The following KCTD10 variants were observed in gnomAD, a reference collection of about 807,000 sequenced individuals.
KCTD10 encodes the protein BTB/POZ domain-containing adapter for CUL3-mediated RhoA degradation protein 3.
KCTD10 carries 13 observed loss-of-function variants against 34.6 expected under a neutral mutation model. The observed-to-expected ratio is 0.38, with a 90% CI of 0.24 to 0.60. The LOEUF (loss-of-function observed/expected upper bound fraction) is 0.60. KCTD10 is among the 20% of genes least tolerant of loss of function. The pLI, the probability that KCTD10 is intolerant of heterozygous loss-of-function variation, is 0.66. For missense variants in KCTD10, 256 were observed against 420.3 expected (o/e 0.61, Z 3.42); for synonymous variants, 156 against 168.8 (o/e 0.92, Z 0.59).
chr12:109,470,135 C>G (rs926724539), intron 1 of KCTD10: 5 of 1,015,344 alleles, frequency 4.9e-6, no homozygotes, highest in Admixed American at 1.0e-4. Flanking sequence ...AACACCCTGG[C>G]TGCACCCTAA....
chr12:109,462,666 C>A (rs1873393486), intron 2 of KCTD10, among the ~76,000 whole-genome samples: 1 of 152,234 alleles, frequency 6.6e-6, no homozygotes, highest in Non-Finnish European at 1.5e-5. Flanking sequence ...CCAAGAGAGG[C>A]AGGCTCTTCC....
Position 109,468,746 on chromosome 12 carries a change from G to A in KCTD10, c.217+769C>T, listed in dbSNP as rs79986796. ...CAGCTCACTGCAAGCTCCGCCTCCC[G>A]AGTTCACGTCATTCTCCTGCCTCAG... On this transcript the variant is annotated intron_variant, in intron 2 of 6. Transcript: ENST00000228495. 2.9e-3 allele frequency among the ~76,000 whole-genome samples: 433 copies of A among 146,814 alleles called. 19 individuals carry two copies. In the East Asian group the frequency reaches 0.055, roughly 19 times the overall value.
intron 2 of KCTD10, chr12:109,469,306 G>T: frequency 1.7e-6 from 1 of 594,000 alleles, no homozygotes; most frequent in Non-Finnish European, 2.9e-6. Flanking sequence ...ACAGAAGCAT[G>T]GCAGAGATAA....
At chr12:109,475,164 C>T (rs1019432612) in intron 1 of KCTD10, among the ~76,000 whole-genome samples, 1 of 152,126 alleles carries the variant, frequency 6.6e-6, no homozygotes, top group East Asian at 1.9e-4. Flanking sequence ...CTAGAATCAC[C>T]TGCGTGTGCT....
chr12:109,470,035 C>T (rs1353671446), intron 1 of KCTD10: 1 of 1,180,424 alleles, frequency 8.5e-7, no homozygotes, highest in Non-Finnish European at 1.1e-6. Flanking sequence ...GCCTCATACA[C>T]TGACCCTGCC....
Position 109,460,876 on chromosome 12 carries a change from G to A in KCTD10, c.218-71C>T, listed in dbSNP as rs751570168. 6.8e-7 allele frequency: 1 copy of A among 1,465,554 alleles called. No individual in the cohort carries two copies. The highest frequency in any genetic ancestry group is 1.4e-5 in the African/African-American group (1 of 71,798). 90.8% of individuals were successfully genotyped at this position (1,465,554 alleles called of 1,614,324 possible). ...GTGGGAGGCCCTGAGCAGAGCTGGG[G>A]TGTCTCTCGGCTCCCTCTACCTCCC... On this transcript the variant is annotated intron_variant, in intron 2 of 6. Transcript: ENST00000228495. The surrounding 1 kb of genome is among the most constrained non-coding windows in gnomAD (Gnocchi z 4.5).
intron 1 of KCTD10, chr12:109,470,161 T>G: frequency 1.0e-6 from 1 of 997,590 alleles, no homozygotes; most frequent in Middle Eastern, 5.2e-4. Context: ...CCTAAAGCAC[T>G]GCCCAGGTCT....
At chr12:109,474,808 G>A (rs867464824) in intron 1 of KCTD10, among the ~76,000 whole-genome samples, 5 of 152,180 alleles carry the variant, frequency 3.3e-5, no homozygotes, top group African/African-American at 7.2e-5. Flanking sequence ...GAAAATCATC[G>A]ACTGAAAAGG....
intron 2 of KCTD10, among the ~76,000 whole-genome samples, chr12:109,468,452 C>A (rs1873700090): frequency 6.6e-6 from 1 of 152,162 alleles, no homozygotes; most frequent in Non-Finnish European, 1.5e-5. Context: ...AAGGCGGGGT[C>A]AAGGTCAAGC....
chr12:109,463,163 ACCTT>A (rs1162816510), intron 2 of KCTD10, among the ~76,000 whole-genome samples: 2 of 152,182 alleles, frequency 1.3e-5, no homozygotes, highest in Non-Finnish European at 2.9e-5. Context: ...CAGGGAAGGA[ACCTT>A]CCACGTTCTG....
chr12:109,453,714 C>T (rs1246512206), intron 6 of KCTD10, among the ~76,000 whole-genome samples: 2 of 152,180 alleles, frequency 1.3e-5, no homozygotes, highest in African/African-American at 4.8e-5. Flanking sequence ...AATAACCAAA[C>T]CCCCAGCTTT....
At chr12:109,457,583 G>C (rs1873085170) in intron 5 of KCTD10, 47 bp downstream of exon 5, 6 of 1,565,756 alleles carry the variant, frequency 3.8e-6, no homozygotes, top group Non-Finnish European at 4.4e-6. Context: ...GGTGTGAGTG[G>C]AGGTTTTCCT....
At position 109,451,556 on chromosome 12, in the gene KCTD10, G is replaced by A; in HGVS notation, c.*39C>T. ...ATCTGGGTGTAGCACGGCAGGGAGT[G>A]GGGGCGGTGAGAGGAGGGCGGCTCG... On this transcript the variant is annotated 3_prime_UTR_variant, in exon 7 of 7. Coordinates refer to ENST00000228495, the MANE Select transcript of KCTD10 (RefSeq NM_031954.5). This position sits in a 1 kb window ranked among gnomAD's most constrained non-coding sequence, Gnocchi z 5.0. The A allele has an allele frequency of 6.4e-7, 1 of 1,560,090 alleles. No homozygotes were observed.
At chr12:109,465,682 A>G (rs571897325) in intron 2 of KCTD10, among the ~76,000 whole-genome samples, 1 of 152,286 alleles carries the variant, frequency 6.6e-6, no homozygotes, top group South Asian at 2.1e-4. Context: ...GGCACAGGTG[A>G]GTTTGTTGTA....
intron 6 of KCTD10, among the ~76,000 whole-genome samples, chr12:109,455,825 C>G (rs1367766794): frequency 6.6e-6 from 1 of 152,104 alleles, no homozygotes; most frequent in Non-Finnish European, 1.5e-5. Context: ...ATAGGTCAAG[C>G]CTACTGGTTT....
intron 1 of KCTD10, among the ~76,000 whole-genome samples, chr12:109,473,930 C>A (rs190207386): frequency 1.6e-3 from 241 of 152,182 alleles, no homozygotes; most frequent in Non-Finnish European, 2.7e-3. Flanking sequence ...TACAGGCATG[C>A]ACCACCACAC....
rs925252814 is a variant in KCTD10, at chr12:109,466,986, C to G, written c.217+2529G>C. On this transcript the variant is annotated intron_variant, in intron 2 of 6. Transcript: ENST00000228495. The stretch of plus-strand genomic sequence containing the variant: ...GCTATGCAGTGCTCTCTCCAAGGAC[C>G]GACAGGATCGCTCTGCCAGACACAG... Among the ~76,000 whole-genome samples the G allele has an allele frequency of 1.9e-4, 29 of 152,224 alleles. 1 individual carries two copies. Among genetic ancestry groups the G allele is most frequent in the Non-Finnish European group, 5.9e-5 (4 of 68,046 alleles).
Position 109,451,857 on chromosome 12 carries a change from C to T in KCTD10, c.724-44G>A. On this transcript the variant is annotated intron_variant, in intron 6 of 6. Coordinates refer to ENST00000228495, the MANE Select transcript of KCTD10 (RefSeq NM_031954.5). The surrounding 1 kb of genome is among the most constrained non-coding windows in gnomAD (Gnocchi z 5.0). ...CAGGGCAGGTAAGTTATGGCCCACC[C>T]CCTCTGCCAACACCTGGACTTTAAG... The T allele has an allele frequency of 6.5e-7, 1 of 1,531,088 alleles. No homozygotes were observed. Among genetic ancestry groups the T allele is most frequent in the Non-Finnish European group, 8.9e-7 (1 of 1,126,962 alleles). 94.8% of individuals were successfully genotyped at this position (1,531,088 alleles called of 1,614,324 possible). A position where few individuals can be genotyped will look rare whatever the true frequency, so the allele number is the denominator to read the frequency against.
chr12:109,471,126 T>C (rs1206230732), intron 1 of KCTD10: 2 of 985,354 alleles, frequency 2.0e-6, no homozygotes, highest in Non-Finnish European at 2.4e-6. Flanking sequence ...AACTATTCCC[T>C]GAAACTGAAA....
Sources: allele counts gnomAD v4.1 joint callset (sites outside exome capture counted in the v4.1 genomes callset), GRCh38; gene constraint gnomAD v4.1.1; non-coding constraint Gnocchi (gnomAD v3.1); transcripts MANE v1.5; gene names NCBI Gene and HGNC (gene_info 2026-07-23, HGNC 2026-07-21).